Variants in NOSTRIN observed in about 807,000 individuals in gnomAD.
The protein encoded by NOSTRIN is BM247 homolog.
NOSTRIN carries 63 observed loss-of-function variants against 59.0 expected under a neutral mutation model. The ratio of observed to expected loss-of-function variants is 1.07; its 90% CI spans 0.87 to 1.32. The LOEUF (loss-of-function observed/expected upper bound fraction) is 1.32. Among genes scored for constraint, NOSTRIN ranks in the 40% most tolerant of loss-of-function variants. The probability of loss-of-function intolerance (pLI) is 0.00; values close to 1 mark genes in which losing one functional copy is unlikely to be tolerated. For synonymous variants in NOSTRIN, 200 were observed against 165.4 expected (o/e 1.21, Z -1.61); for missense variants, 512 against 473.1 (o/e 1.08, Z -0.76).
At chr2:168,859,740 T>C (rs2105787757) in intron 13 of NOSTRIN, 103 bp downstream of exon 13, 1 of 1,392,238 alleles carries the variant, frequency 7.2e-7, no homozygotes, top group Non-Finnish European at 9.7e-7. Flanking sequence ...TTCTATGTGA[T>C]ATTAATATTC....
At chr2:168,853,554 T>TAGG (rs1688897002) in intron 10 of NOSTRIN, among the ~76,000 whole-genome samples, 2 of 152,224 alleles carry the variant, frequency 1.3e-5, no homozygotes. Context: ...AATCTATCCC[T>TAGG]GGAAATACAT....
At chr2:168,863,886 A>G (rs947555578) in intron 15 of NOSTRIN, among the ~76,000 whole-genome samples, 1 of 152,134 alleles carries the variant, frequency 6.6e-6, no homozygotes, top group Admixed American at 6.5e-5. Context: ...CAGGCAGCAT[A>G]AGGATATATG....
intron 15 of NOSTRIN, among the ~76,000 whole-genome samples, chr2:168,864,098 G>A (rs907670499): frequency 3.9e-5 from 6 of 151,976 alleles, no homozygotes; most frequent in Non-Finnish European, 8.8e-5. Context: ...CTCCCAAATA[G>A]CTGGGACTAC....
chr2:168,811,406 T>C, intron 1 of NOSTRIN, 161 bp from the exon 2 acceptor site: 1 of 403,082 alleles, frequency 2.5e-6, no homozygotes, highest in South Asian at 5.5e-5. Context: ...TCATCTTTAT[T>C]TTAAGAACTC....
At chr2:168,827,504 C>T (rs1687120348) in intron 3 of NOSTRIN, among the ~76,000 whole-genome samples, 2 of 152,108 alleles carry the variant, frequency 1.3e-5, no homozygotes, top group African/African-American at 4.8e-5. Flanking sequence ...TATGACCAAC[C>T]TGTTCTCATC....
chr2:168,832,910 C>G (rs1240616803), intron 6 of NOSTRIN, among the ~76,000 whole-genome samples: 2 of 152,106 alleles, frequency 1.3e-5, no homozygotes, highest in Admixed American at 1.3e-4. Context: ...GGATGAGCCA[C>G]TACACCTGGC....
chr2:168,863,923 T>A (rs183224483), intron 15 of NOSTRIN, among the ~76,000 whole-genome samples: 11 of 152,220 alleles, frequency 7.2e-5, no homozygotes, highest in Non-Finnish European at 5.9e-5. Context: ...TTTTATTTTT[T>A]TTTTTGAGGC....
At chr2:168,846,150 T>C (rs1310926185) in intron 8 of NOSTRIN, among the ~76,000 whole-genome samples, 3 of 152,184 alleles carry the variant, frequency 2.0e-5, no homozygotes, top group African/African-American at 7.2e-5. Flanking sequence ...GACTCACATA[T>C]TACTCTATGT....
intron 2 of NOSTRIN, among the ~76,000 whole-genome samples, chr2:168,823,067 C>T (rs761618255): frequency 1.7e-4 from 26 of 152,100 alleles, no homozygotes; most frequent in Admixed American, 2.6e-4. Context: ...CCCAGGCTAG[C>T]GTGCAGTGGC....
At chr2:168,849,222 A>G (rs568536299) in intron 8 of NOSTRIN, among the ~76,000 whole-genome samples, 1 of 152,168 alleles carries the variant, frequency 6.6e-6, no homozygotes, top group Non-Finnish European at 1.5e-5. Context: ...AGCCTTGTTC[A>G]TGAAAGATGA....
chr2:168,818,752 G>C (rs187500888), intron 2 of NOSTRIN, among the ~76,000 whole-genome samples: 1 of 152,240 alleles, frequency 6.6e-6, no homozygotes, highest in African/African-American at 2.4e-5. Context: ...GACCAGCCTT[G>C]CATGCTGAGA....
intron 3 of NOSTRIN, among the ~76,000 whole-genome samples, chr2:168,826,599 C>T (rs988104082): frequency 5.9e-5 from 9 of 152,152 alleles, no homozygotes; most frequent in African/African-American, 2.2e-4. Context: ...AAAGGGGGAG[C>T]ATCTCCATTC....
rs1687667918 is a variant in NOSTRIN, at chr2:168,835,512, A to G, written c.504+1187A>G. 3.3e-5 allele frequency among the ~76,000 whole-genome samples: 5 copies of G among 152,156 alleles called. No homozygotes were observed. The South Asian group carries it at 1.0e-3, about 32-fold the overall frequency. On this transcript the variant is annotated intron_variant, in intron 7 of 15. Transcript: ENST00000317647. ...CATCAGCTTGGACATTTTGCTGTGG[A>G]TTCTTTGTGGTTAAATTGTTGGTAG...
Position 168,834,296 on chromosome 2 carries a change from C to A in NOSTRIN, c.475C>A (p.Gln159Lys). The change falls in exon 7 of 16, where the codon CAA (glutamine) becomes AAA (lysine). Residue 159 changes from glutamine to lysine, a missense_variant. By Grantham distance (53) the Gln-to-Lys change is moderately conservative. Coordinates refer to ENST00000317647, the MANE Select transcript of NOSTRIN (RefSeq NM_001039724.4). ...ALFQLVESSK[Q>K]SMTEKEKRKL... The stretch of plus-strand genomic sequence containing the variant: ...TTTCCAGCTTGTAGAAAGCTCCAAG[C>A]AATCTATGACTGAGAAGGAGAAGCG... 2 of 872,796 alleles carry A rather than the reference C, an allele frequency of 2.3e-6. No homozygotes were observed. The highest frequency in any genetic ancestry group is 2.0e-6 in the Non-Finnish European group (1 of 501,610). The allele number at this position is 872,796 out of a possible 1,614,324, so 54.1% of individuals were successfully genotyped here.
At chr2:168,786,845 C>A (rs829952) in intron 1 of NOSTRIN, 2,792 of 152,288 alleles carry the variant, frequency 0.018, 50 homozygotes, top group Non-Finnish European at 0.03. Flanking sequence ...TGCCTCCCCC[C>A]TCCTCCAGAG....
intron 2 of NOSTRIN, among the ~76,000 whole-genome samples, chr2:168,790,880 G>A (rs374339670): frequency 5.3e-5 from 8 of 152,246 alleles, no homozygotes; most frequent in Admixed American, 3.3e-4. Context: ...AGGTGAAGGA[G>A]CATTAGATTG....
intron 7 of NOSTRIN, among the ~76,000 whole-genome samples, chr2:168,839,635 C>T (rs1308835275): frequency 5.3e-5 from 8 of 151,944 alleles, no homozygotes; most frequent in South Asian, 2.1e-4. Context: ...AGTCTACAGC[C>T]GGGCGCAGTG....
chr2:168,800,962 C>T (rs1281101477), upstream of NOSTRIN: 1 of 149,850 alleles, frequency 6.7e-6, no homozygotes, highest in African/African-American at 2.4e-5. Context: ...CCAGGCTGGT[C>T]TCGAACTCCT....
At chr2:168,795,775 A>G (rs1003402240), upstream of NOSTRIN, among the ~76,000 whole-genome samples, 1 of 152,244 alleles carries the variant, frequency 6.6e-6, no homozygotes, top group African/African-American at 2.4e-5. Flanking sequence ...CCACAAAGTA[A>G]TTAGTACAAA....
Sources: allele counts gnomAD v4.1 joint callset (sites outside exome capture counted in the v4.1 genomes callset), GRCh38; gene constraint gnomAD v4.1.1; transcripts MANE v1.5; gene names NCBI Gene and HGNC (gene_info 2026-07-23, HGNC 2026-07-21).